The following INSC variants were observed in gnomAD, a reference collection of about 807,000 sequenced individuals.
The protein encoded by INSC is INSC spindle orientation adaptor protein, also known as protein inscuteable homolog.
In INSC, 67 loss-of-function variants were observed where a neutral mutation model predicts 58.6. The observed-to-expected ratio is 1.14, with a 90% CI of 0.94 to 1.40. The LOEUF (loss-of-function observed/expected upper bound fraction) is 1.40. INSC is among the 40% of genes most tolerant of loss of function. The pLI, the probability that INSC is intolerant of heterozygous loss-of-function variation, is 0.00. For missense variants in INSC, 714 were observed against 692.0 expected (o/e 1.03, Z -0.36); for synonymous variants, 262 against 276.1 (o/e 0.95, Z 0.51).
chr11:15,128,903 C>T (rs1174773218), intron 1 of INSC, among the ~76,000 whole-genome samples: 1 of 152,178 alleles, frequency 6.6e-6, no homozygotes, highest in Non-Finnish European at 1.5e-5. Context: ...CTTAGTTAAC[C>T]TTCCCTTCTT....
chr11:15,235,201 G>A (rs1328174344), intron 9 of INSC: 1 of 253,356 alleles, frequency 3.9e-6, no homozygotes, highest in Admixed American at 4.4e-5. Flanking sequence ...TCAATCCAGA[G>A]TAAGAGCTAG....
At chr11:15,235,350 G>C in intron 9 of INSC, 1 of 515,450 alleles carries the variant, frequency 1.9e-6, no homozygotes, top group South Asian at 2.1e-5. Flanking sequence ...GTCTTTCCAG[G>C]GTGTCCTGGG....
At chr11:15,224,764 A>C (rs182965611) in intron 8 of INSC, among the ~76,000 whole-genome samples, 1 of 152,298 alleles carries the variant, frequency 6.6e-6, no homozygotes, top group East Asian at 1.9e-4. Flanking sequence ...CAGGTGGTGG[A>C]AGGATAAGGT....
At chr11:15,219,558 A>G (rs1480817566) in intron 7 of INSC, among the ~76,000 whole-genome samples, 1 of 151,982 alleles carries the variant, frequency 6.6e-6, no homozygotes, top group Non-Finnish European at 1.5e-5. Flanking sequence ...GTGGCAGCAG[A>G]CCCTGGGGAC....
chr11:15,154,356 C>A (rs1334539115), intron 2 of INSC, among the ~76,000 whole-genome samples: 1 of 152,196 alleles, frequency 6.6e-6, no homozygotes, highest in African/African-American at 2.4e-5. Context: ...CTGTCTCCAG[C>A]AAGCTATTCT....
chr11:15,166,184 C>T (rs945475699), intron 2 of INSC, among the ~76,000 whole-genome samples: 1 of 152,162 alleles, frequency 6.6e-6, no homozygotes, highest in Non-Finnish European at 1.5e-5. Flanking sequence ...TGGGGACAGA[C>T]ACTTCTCAAG....
chr11:15,257,198 C>A, the INSC span, among the ~76,000 whole-genome samples: 4 of 152,068 alleles, frequency 2.6e-5, no homozygotes, highest in Non-Finnish European at 5.9e-5. Context: ...TCATTTAATC[C>A]AAGCCCAAGA....
chr11:15,213,572 T>C (rs1589977056), intron 7 of INSC, among the ~76,000 whole-genome samples: 1 of 152,302 alleles, frequency 6.6e-6, no homozygotes, highest in South Asian at 2.1e-4. Flanking sequence ...AAATCAGCTA[T>C]AAGGAAAATC....
At chr11:15,254,771 A>G in the INSC span, among the ~76,000 whole-genome samples, 3 of 152,190 alleles carry the variant, frequency 2.0e-5, no homozygotes, top group Admixed American at 2.0e-4. Flanking sequence ...GCAGGCCCAT[A>G]GTGTGTTAGA....
chr11:15,180,769 C>T (rs1849751698), intron 5 of INSC, among the ~76,000 whole-genome samples: 1 of 151,238 alleles, frequency 6.6e-6, no homozygotes, highest in Admixed American at 6.6e-5. Context: ...AACCCCCATT[C>T]CTGGTGCTTT....
intron 1 of INSC, among the ~76,000 whole-genome samples, chr11:15,132,554 T>A (rs1848149459): frequency 6.6e-6 from 1 of 152,228 alleles, no homozygotes; most frequent in South Asian, 2.1e-4. Flanking sequence ...TCCTAAGTAC[T>A]GGAATTACAG....
At chr11:15,111,504 G>A (rs76079689), upstream of INSC, among the ~76,000 whole-genome samples, 5,483 of 152,274 alleles carry the variant, frequency 0.036, 358 homozygotes, top group African/African-American at 0.13. Context: ...GGCTGGAGGG[G>A]ACCTTTGCCT....
intron 10 of INSC, 58 bp from the exon 11 acceptor site, chr11:15,238,861 C>T: frequency 1.3e-6 from 2 of 1,560,750 alleles, no homozygotes; most frequent in African/African-American, 1.3e-5. Flanking sequence ...TCCAGCTGGC[C>T]CCATGGGGAA....
chr11:15,212,178 T>C (rs1163054935), intron 7 of INSC, among the ~76,000 whole-genome samples: 1 of 152,160 alleles, frequency 6.6e-6, no homozygotes, highest in Admixed American at 6.5e-5. Flanking sequence ...TCTAGCTCAC[T>C]GCAACCTCCG....
At chr11:15,188,284 A>C in intron 5 of INSC, 1 of 985,500 alleles carries the variant, frequency 1.0e-6, no homozygotes, top group Non-Finnish European at 1.2e-6. Context: ...AAACTTGCTA[A>C]TGAGGCTGGA....
upstream of INSC, among the ~76,000 whole-genome samples, chr11:15,113,147 G>GTCTCTCTCTCTC (rs911761633): frequency 8.8e-6 from 1 of 113,746 alleles, no homozygotes. Context: ...CTTTCTTTCT[G>GTCTCTCTCTCTC]TCTCTCTCTC....
At chr11:15,172,447 A>G (rs1387136260) in intron 2 of INSC, among the ~76,000 whole-genome samples, 1 of 152,218 alleles carries the variant, frequency 6.6e-6, no homozygotes, top group African/African-American at 2.4e-5. Context: ...TATGTCAGAC[A>G]CTGGCAATAA....
At chr11:15,178,980 C>T (rs1849670490) in intron 5 of INSC, among the ~76,000 whole-genome samples, 3 of 152,202 alleles carry the variant, frequency 2.0e-5, no homozygotes, top group Non-Finnish European at 4.4e-5. Flanking sequence ...TCTAGAAATC[C>T]TGACAACAGA....
At chr11:15,139,417 A>G (rs1457113664) in intron 1 of INSC, among the ~76,000 whole-genome samples, 2 of 152,252 alleles carry the variant, frequency 1.3e-5, no homozygotes, top group Non-Finnish European at 2.9e-5. Context: ...GTTGGCAAAC[A>G]TTCACATTAG....
Sources: gnomAD v4.1 joint callset for allele counts (sites outside exome capture counted in the v4.1 genomes callset) on GRCh38, gnomAD v4.1.1 for gene constraint, MANE v1.5 for transcripts, NCBI Gene and HGNC (gene_info 2026-07-23, HGNC 2026-07-21) for gene names.